PLCB1: variants seen among roughly 807,000 people sequenced by gnomAD.
PLCB1 encodes the protein 1-phosphatidylinositol 4,5-bisphosphate phosphodiesterase beta-1.
Under a neutral mutation model 161.8 loss-of-function variants are expected in PLCB1, and 46 were observed. The ratio of observed to expected loss-of-function variants is 0.28; its 90% CI spans 0.22 to 0.36. The LOEUF is 0.36. PLCB1 is among the 10% of genes least tolerant of loss of function. The pLI, the probability that PLCB1 is intolerant of heterozygous loss-of-function variation, is 1.00. For missense variants in PLCB1, 1,016 were observed against 1,472.5 expected (o/e 0.69, Z 5.07); for synonymous variants, 517 against 503.7 (o/e 1.03, Z -0.35).
At chr20:8,141,055 C>G (rs2051397838) in intron 1 of PLCB1, among the ~76,000 whole-genome samples, 1 of 152,138 alleles carries the variant, frequency 6.6e-6, no homozygotes, top group African/African-American at 2.4e-5. Context: ...CTCAGCCTCC[C>G]AAAGTGCTGG....
intron 1 of PLCB1, among the ~76,000 whole-genome samples, chr20:8,150,038 A>G (rs1201159576): frequency 1.3e-5 from 2 of 152,150 alleles, no homozygotes; most frequent in African/African-American, 4.8e-5. Flanking sequence ...AATAGAAAAC[A>G]TACCTTAATC....
intron 4 of PLCB1, among the ~76,000 whole-genome samples, chr20:8,630,043 T>C (rs1436304999): frequency 6.1e-5 from 9 of 146,612 alleles, no homozygotes; most frequent in Non-Finnish European, 1.3e-4. Flanking sequence ...CTCTCTTCTT[T>C]CCTTTCTTTC....
rs1033027393 is a variant in PLCB1 at position 8,719,131 on chromosome 20, G to A, written c.1513+1283G>A. On this transcript the variant is annotated intron_variant, in intron 14 of 31. Coordinates refer to ENST00000338037, the MANE Select transcript of PLCB1 (RefSeq NM_015192.4). The stretch of plus-strand genomic sequence containing the variant: ...TCAGAAGCTTGGCAATCTGAAAATC[G>A]CATTATAGACATCTCCTGATTGCAG... Among the ~76,000 whole-genome samples, 6 of 152,224 alleles carry A rather than the reference G, an allele frequency of 3.9e-5. No individual in the cohort carries two copies. The East Asian group carries it at 1.2e-3, about 29-fold the overall frequency.
chr20:8,187,346 C>G (rs2051916536), intron 2 of PLCB1, among the ~76,000 whole-genome samples: 1 of 152,068 alleles, frequency 6.6e-6, no homozygotes, highest in Non-Finnish European at 1.5e-5. Context: ...ATATTGAAAA[C>G]TAGGAGTCAC....
chr20:8,430,468 C>A (rs1379583922), intron 3 of PLCB1, among the ~76,000 whole-genome samples: 1 of 149,826 alleles, frequency 6.7e-6, no homozygotes, highest in Admixed American at 6.6e-5. Flanking sequence ...TCAGTGTTAC[C>A]TTGCCTGGGA....
rs118100535 is a variant in PLCB1 at position 8,716,602 on chromosome 20, C to T, written c.1335+254C>T. Among the ~76,000 whole-genome samples the T allele has an allele frequency of 1.9e-3, 291 of 152,254 alleles. 1 individual carries two copies. Among genetic ancestry groups the T allele is most frequent in the Non-Finnish European group, 3.2e-3 (219 of 68,024 alleles). On this transcript the variant is annotated intron_variant, in intron 13 of 31. Coordinates refer to ENST00000338037, the MANE Select transcript of PLCB1 (RefSeq NM_015192.4). ...AACTCAATCAAGAGTGCAGATTTCC[C>T]AACAATTACAATCAGCCCATAGAGA... is the stretch of plus-strand genomic sequence containing the variant.
intron 3 of PLCB1, among the ~76,000 whole-genome samples, chr20:8,585,111 T>A (rs1986949384): frequency 6.6e-6 from 1 of 152,118 alleles, no homozygotes; most frequent in Admixed American, 6.5e-5. Flanking sequence ...ATGGCCAGGG[T>A]CTCATTGTGA....
intron 2 of PLCB1, among the ~76,000 whole-genome samples, chr20:8,208,053 C>T (rs1353295751): frequency 6.6e-6 from 1 of 152,100 alleles, no homozygotes; most frequent in African/African-American, 2.4e-5. Flanking sequence ...GGGTTTAGTG[C>T]ACTGGAAGGC....
At chr20:8,425,107 A>AAAT (rs1461840435) in intron 3 of PLCB1, among the ~76,000 whole-genome samples, 4 of 149,500 alleles carry the variant, frequency 2.7e-5, no homozygotes, top group Non-Finnish European at 4.4e-5. Flanking sequence ...GCTTTTTGCA[A>AAAT]CCAATGACCT....
chr20:8,443,744 G>T (rs758840965), intron 3 of PLCB1, among the ~76,000 whole-genome samples: 2 of 152,088 alleles, frequency 1.3e-5, no homozygotes, highest in Non-Finnish European at 2.9e-5. Flanking sequence ...CACATTTCTG[G>T]CAATGGCTGA....
At chr20:8,382,467 T>G (rs1230427495) in intron 3 of PLCB1, among the ~76,000 whole-genome samples, 9 of 148,332 alleles carry the variant, frequency 6.1e-5, no homozygotes, top group Middle Eastern at 3.4e-3. Context: ...GTATTTTTAG[T>G]AGAGACGGGG....
intron 3 of PLCB1, among the ~76,000 whole-genome samples, chr20:8,410,161 T>C (rs1229498786): frequency 6.6e-6 from 1 of 152,198 alleles, no homozygotes; most frequent in African/African-American, 2.4e-5. Flanking sequence ...AGAGTTTTAT[T>C]GTATGAATAT....
At chr20:8,159,616 T>C (rs528277666) in intron 2 of PLCB1, among the ~76,000 whole-genome samples, 73 of 152,346 alleles carry the variant, frequency 4.8e-4, no homozygotes, top group African/African-American at 1.4e-3. Context: ...TCTGAACTTT[T>C]ATGCCCTGTT....
At chr20:8,444,868 T>C (rs112605847) in intron 3 of PLCB1, among the ~76,000 whole-genome samples, 2,854 of 150,214 alleles carry the variant, frequency 0.019, 80 homozygotes, top group African/African-American at 0.068. Flanking sequence ...TGTCTGTTTA[T>C]ATCCTTTGCC....
chr20:8,793,308 T>C (rs1185577310), intron 31 of PLCB1, among the ~76,000 whole-genome samples: 1 of 152,128 alleles, frequency 6.6e-6, no homozygotes, highest in Non-Finnish European at 1.5e-5. Context: ...ATTGTAACCT[T>C]CTTATGAAGA....
At chr20:8,667,406 GA>G (rs1049875368) in intron 9 of PLCB1, among the ~76,000 whole-genome samples, 6 of 151,832 alleles carry the variant, frequency 4.0e-5, no homozygotes, top group South Asian at 4.2e-4. Flanking sequence ...GCCTAAGAAT[GA>G]AAAAAAAATT....
intron 2 of PLCB1, among the ~76,000 whole-genome samples, chr20:8,267,105 G>GA (rs1982003248): frequency 6.6e-6 from 1 of 151,782 alleles, no homozygotes; most frequent in South Asian, 2.1e-4. Context: ...TACAAGACAT[G>GA]ACCTGTTAAC....
chr20:8,831,899 CCTCTCTTTCTTTCTCTTT>C (rs1985999667), intron 31 of PLCB1, among the ~76,000 whole-genome samples: 1 of 123,964 alleles, frequency 8.1e-6, no homozygotes, highest in Non-Finnish European at 1.7e-5. Flanking sequence ...TTTCTTTCTC[CCTCTCTTTCTTTCTCTTT>C]CTTTCTTTCT....
intron 4 of PLCB1, among the ~76,000 whole-genome samples, chr20:8,634,347 C>T (rs1046290995): frequency 6.6e-6 from 1 of 152,086 alleles, no homozygotes; most frequent in Admixed American, 6.5e-5. Context: ...AGATTCTTCC[C>T]CCTCTGTAGC....
Sources: gnomAD v4.1 joint callset for allele counts (sites outside exome capture counted in the v4.1 genomes callset) on GRCh38, gnomAD v4.1.1 for gene constraint, MANE v1.5 for transcripts, NCBI Gene and HGNC (gene_info 2026-07-23, HGNC 2026-07-21) for gene names.